Variants in RPL27 observed in about 807,000 individuals in gnomAD.
RPL27 encodes the protein ribosomal protein L27.
For synonymous variants in RPL27, 77 were observed against 61.0 expected, an observed-to-expected ratio of 1.26 and a Z score of -1.22; for missense variants, 131 against 174.3, an observed-to-expected ratio of 0.75 and a Z score of 1.40.
At chr17:42,998,888 G>A (rs905993000) in intron 2 of RPL27, 57 bp downstream of exon 2, 10 of 1,445,346 alleles carry the variant, frequency 6.9e-6, no homozygotes, top group Non-Finnish European at 9.7e-6. Context: ...TGGCTGCGGC[G>A]GGGCGGGCAG....
intron 3 of RPL27, among the ~76,000 whole-genome samples, chr17:43,000,861 C>A (rs970708752): frequency 1.7e-4 from 25 of 146,536 alleles, no homozygotes; most frequent in African/African-American, 6.3e-4. Flanking sequence ...TTGAGACTAG[C>A]CTGACCAACA....
At chr17:43,000,363 C>G (rs900005444) in intron 3 of RPL27, among the ~76,000 whole-genome samples, 1 of 152,168 alleles carries the variant, frequency 6.6e-6, no homozygotes, top group Non-Finnish European at 1.5e-5. Context: ...AGGATAAATA[C>G]AATAGGTTTC....
intron 3 of RPL27, among the ~76,000 whole-genome samples, chr17:43,000,900 C>G (rs2050354364): frequency 6.6e-6 from 1 of 150,854 alleles, no homozygotes; most frequent in Non-Finnish European, 1.5e-5. Flanking sequence ...ACTAAAAATA[C>G]AAAATTAGCT....
intron 3 of RPL27, among the ~76,000 whole-genome samples, chr17:43,002,359 T>C (rs2050372911): frequency 6.6e-6 from 1 of 150,746 alleles, no homozygotes; most frequent in Admixed American, 6.6e-5. Context: ...TACAAAAAAT[T>C]AGCCAGGCCT....
In RPL27 at chr17:43,000,219, T is replaced by A. The variant is rs566058163; in HGVS notation, c.251+117T>A. On this transcript the variant is annotated intron_variant, in intron 3 of 4. Coordinates refer to ENST00000253788, the MANE Select transcript of RPL27 (RefSeq NM_000988.5). ...GATATCATTTCCAAAATGTTCATCT[T>A]CAACTCATAAAGTGGCTATGGTTTC... is the stretch of plus-strand genomic sequence containing the variant. 3.2e-4 allele frequency: 252 copies of A among 787,306 alleles called. 2 individuals carry two copies. The South Asian group carries it at 4.1e-3, about 13-fold the overall frequency. The allele number at this position is 787,306 out of a possible 1,614,324, so 48.8% of individuals were successfully genotyped here.
In RPL27 at chr17:43,002,910, T is replaced by A; in HGVS notation, c.401T>A (p.Leu134Gln). The change falls in exon 5 of 5, where the codon CTG becomes CAG. Residue 134 changes from leucine to glutamine, a missense_variant. Physicochemically the swap from Leu to Gln is moderately radical, Grantham distance 113. Coordinates refer to ENST00000253788, the MANE Select transcript of RPL27 (RefSeq NM_000988.5). ...TGKNKWFFQK[L>Q]RF ...AAGAACAAGTGGTTCTTCCAGAAAC[T>A]GCGGTTTTAGATGCTTTGTTTTGAT... 1 of 1,613,556 alleles carries A rather than the reference T, an allele frequency of 6.2e-7. No individual in the cohort carries two copies. The highest frequency in any genetic ancestry group is 8.5e-7 in the Non-Finnish European group (1 of 1,179,482).
At position 43,000,031 on chromosome 17, in the gene RPL27, G is replaced by T. The variant is rs11538131; in HGVS notation, c.180G>T (p.Lys60Asn). 31 of 1,612,774 alleles carry T rather than the reference G, an allele frequency of 1.9e-5. No homozygotes were observed. The highest frequency in any genetic ancestry group is 2.5e-5 in the Non-Finnish European group (29 of 1,179,970). Residue 60 changes from lysine to asparagine, a missense_variant, in exon 3 of 5, where the codon AAG (lysine) becomes AAT (asparagine). Transcript: ENST00000253788. ...AAGTGACAGCTGCCATGGGCAAGAAGAAGATCGCCAAGAGATCAAAGATAA... is the reference window on the plus strand; with the variant it reads ...AAGTGACAGCTGCCATGGGCAAGAATAAGATCGCCAAGAGATCAAAGATAA... ...PRKVTAAMGK[K>N]KIAKRSKIKS... is the part of the protein sequence containing the mutation.
At chr17:42,998,872 C>T (rs775863407) in intron 2 of RPL27, 41 bp downstream of exon 2, 3 of 1,553,012 alleles carry the variant, frequency 1.9e-6, no homozygotes, top group Admixed American at 3.4e-5. Flanking sequence ...CATGCCGGGA[C>T]CAGGCTGGCT....
At chr17:43,001,418 G>A (rs182027589) in intron 3 of RPL27, among the ~76,000 whole-genome samples, 325 of 151,544 alleles carry the variant, frequency 2.1e-3, no homozygotes, top group South Asian at 5.4e-3. Context: ...TTGAGGTCAG[G>A]AGTTCGAGAC....
In RPL27 at chr17:42,998,817, G is replaced by A. The variant is rs749989076; in HGVS notation, c.67G>A (p.Ala23Thr). 6.2e-7 allele frequency: 1 copy of A among 1,613,966 alleles called. No individual in the cohort carries two copies. Among genetic ancestry groups the A allele is most frequent in the Non-Finnish European group, 8.5e-7 (1 of 1,179,896 alleles). Residue 23 changes from alanine (A) to threonine (T), a missense_variant, in exon 2 of 5, where the codon GCT (alanine) becomes ACT (threonine). Transcript: ENST00000253788. ...GGCTGGACGCTACTCCGGACGCAAA[G>A]CTGTCATCGTGAAGGTATCAGCCTC... ...VLAGRYSGRK[A>T]VIVKNIDDGT...
chr17:42,998,485 T>G lies in RPL27; in HGVS notation c.-3+14T>G, dbSNP rs2151964343. ...TGGTTGCTGCCGGTAAGTAGAAGCT[T>G]GGGTTGAATCTTTCAATCCGCTGCC... is the stretch of plus-strand genomic sequence containing the variant. On this transcript the variant is annotated intron_variant, in intron 1 of 4. Coordinates refer to ENST00000253788, the MANE Select transcript of RPL27 (RefSeq NM_000988.5). 5.7e-6 allele frequency: 2 copies of G among 351,148 alleles called. No individual in the cohort carries two copies. The highest frequency in any genetic ancestry group is 2.2e-5 in the African/African-American group (1 of 45,862). 21.8% of individuals were successfully genotyped at this position (351,148 alleles called of 1,614,324 possible).
intron 2 of RPL27, chr17:42,999,556 C>T (rs2050337353): frequency 5.6e-6 from 1 of 180,152 alleles, no homozygotes; most frequent in African/African-American, 2.4e-5. Context: ...TCCCCTCTCC[C>T]ATCTCCTGAG....
chr17:43,002,782 A>C lies in RPL27; in HGVS notation c.361A>C (p.Arg121=), dbSNP rs1419088568. 6.2e-7 allele frequency: 1 copy of C among 1,610,468 alleles called. No individual in the cohort carries two copies. The highest frequency in any genetic ancestry group is 8.5e-7 in the Non-Finnish European group (1 of 1,176,802). Residue 121 remains arginine, a splice_region_variant and synonymous_variant, in exon 4 of 5, where the codon AGA becomes CGA. Coordinates refer to ENST00000253788, the MANE Select transcript of RPL27 (RefSeq NM_000988.5). ...RREAKVKFEE[R]YKTGKNKWFF... Reference sequence around the variant, plus strand: ...GGAGGCCAAGGTCAAGTTTGAAGAGAGGTAAGTAGGCTTTGGTAGTGAATG... The same window carrying C: ...GGAGGCCAAGGTCAAGTTTGAAGAGCGGTAAGTAGGCTTTGGTAGTGAATG...
intron 3 of RPL27, 100 bp from the exon 4 acceptor site, chr17:43,002,573 G>T (rs1242972027): frequency 8.4e-6 from 6 of 711,004 alleles, no homozygotes. Context: ...TTGCTTCTAA[G>T]GAGTCAGACC....
intron 2 of RPL27, 36 bp from the exon 3 acceptor site, chr17:42,999,897 C>T: frequency 3.2e-6 from 5 of 1,586,300 alleles, no homozygotes; most frequent in South Asian, 1.1e-5. Context: ...TAAATAGGCC[C>T]TCAGTGAATA....
intron 3 of RPL27, among the ~76,000 whole-genome samples, 167 bp from the exon 4 acceptor site, chr17:43,002,506 C>CA (rs576406334): frequency 5.5e-4 from 78 of 142,772 alleles, no homozygotes; most frequent in Middle Eastern, 7.0e-3. Context: ...GACTCCGTCT[C>CA]AAAAAAAAAA....
intron 2 of RPL27, 37 bp downstream of exon 2, chr17:42,998,868 G>C: frequency 6.4e-7 from 1 of 1,570,160 alleles, no homozygotes; most frequent in South Asian, 1.1e-5. Flanking sequence ...CTTGCATGCC[G>C]GGACCAGGCT....
rs750268128 is a variant in RPL27, at chr17:43,002,801, G to A, written c.362+18G>A. On this transcript the variant is annotated intron_variant, in intron 4 of 4. Coordinates refer to ENST00000253788, the MANE Select transcript of RPL27 (RefSeq NM_000988.5). ...GAAGAGAGGTAAGTAGGCTTTGGTA[G>A]TGAATGGTGGAGTATGGTTTCACTA... The A allele has an allele frequency of 5.6e-6, 9 of 1,602,450 alleles. No homozygotes were observed. The highest frequency in any genetic ancestry group is 5.5e-5 in the South Asian group (5 of 90,854).
chr17:43,000,425 C>T (rs1466850835), intron 3 of RPL27, among the ~76,000 whole-genome samples: 1 of 151,794 alleles, frequency 6.6e-6, no homozygotes, highest in Admixed American at 6.6e-5. Context: ...ATTTTACTCA[C>T]CTGTTGGGCC....
Sources: gnomAD v4.1 joint callset for allele counts (sites outside exome capture counted in the v4.1 genomes callset) on GRCh38, gnomAD v4.1.1 for gene constraint, MANE v1.5 for transcripts, NCBI Gene and HGNC (gene_info 2026-07-23, HGNC 2026-07-21) for gene names.